Variants in TUSC3 observed in about 807,000 individuals in gnomAD.
TUSC3 encodes tumor suppressor candidate 3, also known as dolichyl-diphosphooligosaccharide--protein glycosyltransferase subunit TUSC3.
TUSC3 carries 45 observed loss-of-function variants against 44.8 expected under a neutral mutation model. The observed-to-expected ratio is 1.00, with a 90% CI of 0.79 to 1.29. The LOEUF is 1.29. Among genes scored for constraint, TUSC3 ranks in the 50% most tolerant of loss-of-function variants. The pLI is 0.00. For synonymous variants in TUSC3, 212 were observed against 152.9 expected (o/e 1.39, Z -2.85); for missense variants, 519 against 437.9 (o/e 1.19, Z -1.65).
At chr8:15,582,903 T>C (rs1563302514) in intron 1 of TUSC3, among the ~76,000 whole-genome samples, 1 of 152,212 alleles carries the variant, frequency 6.6e-6, no homozygotes, top group Non-Finnish European at 1.5e-5. Context: ...TCTTTGTTCT[T>C]CAGACATACT....
At chr8:15,805,149 T>C in the TUSC3 span, among the ~76,000 whole-genome samples, 7 of 152,290 alleles carry the variant, frequency 4.6e-5, no homozygotes, top group East Asian at 1.4e-3. Context: ...TATTGGTGTA[T>C]GGAAATGCTA....
chr8:15,651,147 A>G (rs1806886186), intron 3 of TUSC3: 1 of 292,696 alleles, frequency 3.4e-6, no homozygotes, highest in Non-Finnish European at 6.6e-6. Flanking sequence ...ATTATGATAA[A>G]TTCATTTTAA....
chr8:15,686,702 T>C (rs533201932), intron 6 of TUSC3, among the ~76,000 whole-genome samples: 17 of 152,274 alleles, frequency 1.1e-4, no homozygotes, highest in African/African-American at 3.8e-4. Context: ...ACAAAGGGCA[T>C]TCAGTAGCTT....
At chr8:15,478,448 C>T (rs771153631) in intron 1 of TUSC3, among the ~76,000 whole-genome samples, 5 of 152,112 alleles carry the variant, frequency 3.3e-5, no homozygotes, top group African/African-American at 9.7e-5. Context: ...CGCCAAGAGG[C>T]CCCAATGTGT....
intron 1 of TUSC3, among the ~76,000 whole-genome samples, chr8:15,554,619 T>C (rs1585095638): frequency 6.8e-6 from 1 of 147,728 alleles, no homozygotes; most frequent in South Asian, 2.2e-4. Flanking sequence ...TTTTTTTTTT[T>C]TGAGATGGAG....
the TUSC3 span, among the ~76,000 whole-genome samples, chr8:15,802,672 T>A: frequency 1.3e-5 from 2 of 151,986 alleles, no homozygotes; most frequent in African/African-American, 2.4e-5. Flanking sequence ...AATTACTTTT[T>A]TTTTTTTGCC....
intron 2 of TUSC3, among the ~76,000 whole-genome samples, chr8:15,644,987 C>T (rs1451040311): frequency 1.3e-5 from 2 of 152,226 alleles, no homozygotes; most frequent in South Asian, 2.1e-4. Flanking sequence ...GATGTTATGG[C>T]TTGCCAGGTT....
At chr8:15,752,354 C>G (rs774401487) in intron 9 of TUSC3, among the ~76,000 whole-genome samples, 8 of 152,084 alleles carry the variant, frequency 5.3e-5, no homozygotes, top group Non-Finnish European at 1.2e-4. Context: ...ATATGTACTA[C>G]TCAATAGTGA....
chr8:15,577,066 T>C (rs1451591350), intron 1 of TUSC3, among the ~76,000 whole-genome samples: 24 of 144,074 alleles, frequency 1.7e-4, no homozygotes, highest in African/African-American at 5.8e-4. Context: ...TGGCCAGTGA[T>C]GATGAGCATT....
chr8:15,628,557 G>C (rs1287122043), intron 2 of TUSC3, among the ~76,000 whole-genome samples: 1 of 150,440 alleles, frequency 6.6e-6, no homozygotes, highest in African/African-American at 2.5e-5. Flanking sequence ...GGGTAGGATA[G>C]TTAGAGAAGA....
intron 2 of TUSC3, among the ~76,000 whole-genome samples, chr8:15,645,222 C>A (rs75394458): frequency 2.6e-5 from 4 of 152,114 alleles, no homozygotes; most frequent in African/African-American, 9.7e-5. Flanking sequence ...ACTATTTACA[C>A]AATAAAAGCT....
At chr8:15,636,770 AC>A (rs1806098289) in intron 2 of TUSC3, among the ~76,000 whole-genome samples, 1 of 152,178 alleles carries the variant, frequency 6.6e-6, no homozygotes, top group South Asian at 2.1e-4. Flanking sequence ...TGGGAGATTA[AC>A]TTATTTCAGT....
At chr8:15,792,825 C>T in the TUSC3 span, among the ~76,000 whole-genome samples, 1 of 151,906 alleles carries the variant, frequency 6.6e-6, no homozygotes, top group African/African-American at 2.4e-5. Flanking sequence ...TGCCACGTTG[C>T]CCAAGCTGGT....
intron 1 of TUSC3, among the ~76,000 whole-genome samples, chr8:15,582,308 C>T (rs1361655066): frequency 6.6e-6 from 1 of 152,178 alleles, no homozygotes; most frequent in African/African-American, 2.4e-5. Flanking sequence ...CGGAGCTGTT[C>T]CTGTTCAGCC....
chr8:15,467,942 A>G (rs746212191), intron 1 of TUSC3, among the ~76,000 whole-genome samples: 2 of 152,204 alleles, frequency 1.3e-5, no homozygotes, highest in Non-Finnish European at 2.9e-5. Context: ...TACAAATTTT[A>G]AAAACTAGTT....
chr8:15,668,430 A>C (rs533113597), intron 5 of TUSC3, among the ~76,000 whole-genome samples: 16 of 151,854 alleles, frequency 1.1e-4, no homozygotes, highest in African/African-American at 3.9e-4. Flanking sequence ...ATTCAACAAG[A>C]GTTTGAAAGC....
At chr8:15,642,968 G>C (rs1461994551) in intron 2 of TUSC3, among the ~76,000 whole-genome samples, 1 of 152,174 alleles carries the variant, frequency 6.6e-6, no homozygotes, top group Non-Finnish European at 1.5e-5. Context: ...GTAGGTAAAT[G>C]ATACGGCTTG....
rs190981090 is a variant in TUSC3, at chr8:15,484,300, A to T, written n.189+817A>T. 3.9e-5 allele frequency among the ~76,000 whole-genome samples: 6 copies of T among 152,332 alleles called. No homozygotes were observed. In the South Asian group the frequency reaches 6.2e-4, roughly 16 times the overall value. On this transcript the variant is annotated intron_variant and non_coding_transcript_variant, in intron 2 of 5. Transcript: ENST00000503191. Reference sequence around the variant, plus strand: ...CTCTGCTCTAGCACAATTTCCCAGGAAGCCTTGTGTTATCACATTAATCTC... The same window carrying T: ...CTCTGCTCTAGCACAATTTCCCAGGTAGCCTTGTGTTATCACATTAATCTC...
At chr8:15,513,101 A>G (rs1238609400) in intron 2 of TUSC3, among the ~76,000 whole-genome samples, 1 of 151,580 alleles carries the variant, frequency 6.6e-6, no homozygotes, top group Non-Finnish European at 1.5e-5. Context: ...CGAAAAATTA[A>G]TCTAGCCACC....
Sources: allele counts gnomAD v4.1 joint callset (sites outside exome capture counted in the v4.1 genomes callset), GRCh38; gene constraint gnomAD v4.1.1; transcripts MANE v1.5; gene names NCBI Gene and HGNC (gene_info 2026-07-23, HGNC 2026-07-21).